Variants in DLX6 observed in about 807,000 individuals in gnomAD.
DLX6 encodes homeobox protein DLX-6.
DLX6 carries 4 observed loss-of-function variants against 33.5 expected under a neutral mutation model. That is an observed-to-expected ratio of 0.12 (90% CI 0.06 to 0.27). DLX6 has a LOEUF of 0.27. DLX6 is among the 10% of genes least tolerant of loss of function. The pLI, the probability that DLX6 is intolerant of heterozygous loss-of-function variation, is 1.00. For missense variants in DLX6, 382 were observed against 393.3 expected, an observed-to-expected ratio of 0.97 and a Z score of 0.24; for synonymous variants, 184 against 164.8, an observed-to-expected ratio of 1.12 and a Z score of -0.89.
At position 97,006,232 on chromosome 7, in the gene DLX6, GCACCACCACCAC is replaced by G. The variant is rs746036175; in HGVS notation, c.264_275del (p.His88_His91del). ...CGGCGGCGGCGGCAGCGGCCGGCTC[GCACCACCACCAC>G]CACCACCAGCACCACCACCACGGCT... On this transcript the variant is annotated inframe_deletion, in exon 1 of 3. Coordinates refer to ENST00000518156, the MANE Select transcript of DLX6 (RefSeq NM_005222.4). 3.2e-5 allele frequency: 48 copies of G among 1,512,504 alleles called. No homozygotes were observed. The highest frequency in any genetic ancestry group is 4.0e-5 in the Non-Finnish European group (45 of 1,127,208). The allele number at this position is 1,512,504 out of a possible 1,614,324, so 93.7% of individuals were successfully genotyped here. A position where few individuals can be genotyped will look rare whatever the true frequency, so the allele number is the denominator to read the frequency against.
rs549707573 is a variant in DLX6, at chr7:97,006,220, A to G, written c.243A>G (p.Ala81=). The change falls in exon 1 of 3, where the codon GCA becomes GCG. Residue 81 remains alanine (A), a synonymous_variant. Coordinates refer to ENST00000518156, the MANE Select transcript of DLX6 (RefSeq NM_005222.4). The stretch of plus-strand genomic sequence containing the variant: ...GCCTGCACTCGGCGGCGGCGGCGGC[A>G]GCGGCCGGCTCGCACCACCACCACC... The part of the protein sequence containing the change: ...LHCLHSAAAA[A]AAGSHHHHHH... The G allele has an allele frequency of 8.0e-6, 12 of 1,509,188 alleles. No homozygotes were observed. In the South Asian group the frequency reaches 1.0e-4, roughly 13 times the overall value. The allele number at this position is 1,509,188 out of a possible 1,614,324, so 93.5% of individuals were successfully genotyped here. A position where few individuals can be genotyped will look rare whatever the true frequency, so the allele number is the denominator to read the frequency against.
rs1189599358 is a variant in DLX6 at position 97,010,981 on chromosome 7, C to T, written c.*934C>T. 6.6e-6 allele frequency: 1 copy of T among 152,510 alleles called. No individual in the cohort carries two copies. Among genetic ancestry groups the T allele is most frequent in the Non-Finnish European group, 1.5e-5 (1 of 68,016 alleles). 9.4% of individuals were successfully genotyped at this position (152,510 alleles called of 1,614,324 possible). ...TATATATTGTTGAATTTTAGTTGTA[C>T]ATATACTTTGTATGTTTTTGTCTTC... On this transcript the variant is annotated 3_prime_UTR_variant, in exon 3 of 3. Coordinates refer to ENST00000518156, the MANE Select transcript of DLX6 (RefSeq NM_005222.4).
chr7:97,009,312 A>G (rs188765435), intron 2 of DLX6, among the ~76,000 whole-genome samples: 1 of 152,358 alleles, frequency 6.6e-6, no homozygotes, highest in African/African-American at 2.4e-5. Flanking sequence ...TAGAGATAAC[A>G]GCTTTTGGGT....
chr7:97,009,740 C>T (rs373835215), intron 2 of DLX6, 56 bp from the exon 3 acceptor site: 52 of 1,583,350 alleles, frequency 3.3e-5, no homozygotes, highest in African/African-American at 2.8e-4. Context: ...CCCTGAGTGA[C>T]GTTAGAGGCA....
intron 1 of DLX6, 71 bp from the exon 2 acceptor site, chr7:97,007,567 C>T: frequency 1.4e-6 from 2 of 1,433,302 alleles, no homozygotes; most frequent in Non-Finnish European, 1.9e-6. Context: ...TCGTTGCATG[C>T]CACGCCAGGA....
intron 2 of DLX6, 110 bp from the exon 3 acceptor site, chr7:97,009,686 T>G: frequency 2.7e-6 from 4 of 1,487,024 alleles, no homozygotes; most frequent in Non-Finnish European, 3.6e-6. Flanking sequence ...CGGTGGTTGT[T>G]TTTTGTTTTT....
Position 97,009,281 on chromosome 7 carries a change from C to T in DLX6, c.631-515C>T, listed in dbSNP as rs143257149. 3.3e-3 allele frequency among the ~76,000 whole-genome samples: 510 copies of T among 152,336 alleles called. 2 individuals carry two copies. The highest frequency in any genetic ancestry group is 0.012 in the African/African-American group (491 of 41,576). ...ATGTACAGGCTTTAATTCCTTCAGT[C>T]ATTTGCTCCTTGTACCTTTATAGAG... On this transcript the variant is annotated intron_variant, in intron 2 of 2. Coordinates refer to ENST00000518156, the MANE Select transcript of DLX6 (RefSeq NM_005222.4).
At chr7:97,007,156 T>C in intron 1 of DLX6, 1 of 238,918 alleles carries the variant, frequency 4.2e-6, no homozygotes, top group Non-Finnish European at 8.1e-6. Context: ...GATTTGGTCC[T>C]CCTCAGGAGA....
rs1789716418 is a variant in DLX6, at chr7:97,006,108, A to AGCCACAGCC, written c.134_135insACAGCCGCC (p.Pro45_Pro46insGlnProPro). On this transcript the variant is annotated inframe_insertion, in exon 1 of 3. Transcript: ENST00000518156. ...CAGCAGCAGCAGCAGCAACAGCAAC[A>AGCCACAGCC]GCCGCCGCCGCCGCCGCCGCCGCCG... 1.3e-6 allele frequency: 2 copies of AGCCACAGCC among 1,502,008 alleles called. No individual in the cohort carries two copies. The highest frequency in any genetic ancestry group is 2.5e-5 in the East Asian group (1 of 40,190). The allele number at this position is 1,502,008 out of a possible 1,614,324, so 93.0% of individuals were successfully genotyped here. A position where few individuals can be genotyped will look rare whatever the true frequency, so the allele number is the denominator to read the frequency against.
chr7:97,006,293 A>G lies in DLX6; in HGVS notation c.316A>G (p.Asn106Asp). Residue 106 changes from asparagine to aspartate, a missense_variant, in exon 1 of 3, where the codon AAC becomes GAC. Transcript: ENST00000518156. ...CTCGCCCTACGCGTCGGGCGGAGGG[A>G]ACTCCTACAACCACCGCTCGCTCGC... is the stretch of plus-strand genomic sequence containing the variant. ...HGSPYASGGGNSYNHRSLAAY... is the reference protein window; with the variant it reads ...HGSPYASGGGDSYNHRSLAAY... The G allele has an allele frequency of 6.6e-7, 1 of 1,526,490 alleles. No individual in the cohort carries two copies. Among genetic ancestry groups the G allele is most frequent in the African/African-American group, 1.4e-5 (1 of 71,156 alleles). 94.6% of individuals were successfully genotyped at this position (1,526,490 alleles called of 1,614,324 possible).
rs1404341310 is a variant in DLX6 at position 97,007,344 on chromosome 7, A to G, written c.437-294A>G. The G allele has an allele frequency of 1.8e-5, 11 of 597,880 alleles. No individual in the cohort carries two copies. The East Asian group carries it at 2.8e-4, about 15-fold the overall frequency. The allele number at this position is 597,880 out of a possible 1,614,324, so 37.0% of individuals were successfully genotyped here. ...CGCCTTGCTGCGCTGCGCACCCCAG[A>G]GAGCCTCCGGCACCGCCTCCGCTGC... On this transcript the variant is annotated intron_variant, in intron 1 of 2. Coordinates refer to ENST00000518156, the MANE Select transcript of DLX6 (RefSeq NM_005222.4).
At position 97,009,890 on chromosome 7, in the gene DLX6, C is replaced by A; in HGVS notation, c.725C>A (p.Ala242Glu). ...GAGAGCGACCCCCTCCAGGGCTCGG[C>A]GGCCCTGTCGCCACGCTCGCCAGCG... ...PHESDPLQGS[A>E]ALSPRSPALP... is the part of the protein sequence containing the mutation. The change falls in exon 3 of 3, where the codon GCG becomes GAG. Residue 242 changes from alanine (A) to glutamate (E), a missense_variant. By Grantham distance (107) the Ala-to-Glu change is moderately radical (BLOSUM62 -1). Coordinates refer to ENST00000518156, the MANE Select transcript of DLX6 (RefSeq NM_005222.4). 1 of 1,613,964 alleles carries A rather than the reference C, an allele frequency of 6.2e-7. No homozygotes were observed. The highest frequency in any genetic ancestry group is 8.5e-7 in the Non-Finnish European group (1 of 1,179,880).
intron 1 of DLX6, chr7:97,006,868 T>G (rs1412007122): frequency 6.6e-6 from 1 of 152,456 alleles, no homozygotes; most frequent in East Asian, 1.9e-4. Context: ...CGCCCCGTGC[T>G]CCTCAGTGAC....
chr7:97,006,664 C>T (rs1316660186), intron 1 of DLX6: 3 of 182,136 alleles, frequency 1.6e-5, no homozygotes, highest in Non-Finnish European at 2.2e-5. Context: ...CCGGGCCCGG[C>T]GCAGGCTTCG....
chr7:97,010,208 C>CTCTT lies in DLX6; in HGVS notation c.*161_*162insTCTT, dbSNP rs372057798. The CTCTT allele has an allele frequency of 8.5e-6, 6 of 708,622 alleles. No homozygotes were observed. In the African/African-American group the frequency reaches 1.1e-4, roughly 13 times the overall value. 43.9% of individuals were successfully genotyped at this position (708,622 alleles called of 1,614,324 possible). On this transcript the variant is annotated 3_prime_UTR_variant, in exon 3 of 3. Coordinates refer to ENST00000518156, the MANE Select transcript of DLX6 (RefSeq NM_005222.4). ...ATTCTCTCTCCCTCTCTCTCTCTCT[C>CTCTT]CCTCTCCTTTCTTTTTACTTCTTCC...
chr7:97,007,599 C>A, intron 1 of DLX6, 39 bp from the exon 2 acceptor site: 1 of 1,563,404 alleles, frequency 6.4e-7, no homozygotes, highest in Non-Finnish European at 8.7e-7. Flanking sequence ...GCAGCAGTAG[C>A]CTCCCGGGTG....
At position 97,009,948 on chromosome 7, in the gene DLX6, C is replaced by T; in HGVS notation, c.783C>T (p.Ala261=). ...LPPVWDVSAS[A]KGVSMPPNSY... ...CAGTCTGGGACGTTTCTGCCTCGGC[C>T]AAGGGTGTCAGTATGCCCCCCAACA... The change falls in exon 3 of 3, where the codon GCC becomes GCT. Residue 261 remains alanine, a synonymous_variant. Coordinates refer to ENST00000518156, the MANE Select transcript of DLX6 (RefSeq NM_005222.4). The T allele has an allele frequency of 6.2e-7, 1 of 1,613,848 alleles. No individual in the cohort carries two copies. The highest frequency in any genetic ancestry group is 2.2e-5 in the East Asian group (1 of 44,858).
Position 97,010,281 on chromosome 7 carries a change from CTTTTT to C in DLX6, c.*235_*239del. 1 of 502,584 alleles carries C rather than the reference CTTTTT, an allele frequency of 2.0e-6. No individual in the cohort carries two copies. Among genetic ancestry groups the C allele is most frequent in the Non-Finnish European group, 3.4e-6 (1 of 290,476 alleles). The allele number at this position is 502,584 out of a possible 1,614,324, so 31.1% of individuals were successfully genotyped here. Reference sequence around the variant, plus strand: ...TCCTTTTCCTTTCTACCTTTCTTTTCTTTTTGCCTTTCACCTTTTTTCTCATTTAC... The same window carrying C: ...TCCTTTTCCTTTCTACCTTTCTTTTCGCCTTTCACCTTTTTTCTCATTTAC... On this transcript the variant is annotated 3_prime_UTR_variant, in exon 3 of 3. Transcript: ENST00000518156.
rs938771538 is a variant in DLX6, at chr7:97,009,350, G to A, written c.631-446G>A. ...CTCTATGCATGTACACGGAGAAAAT[G>A]ACTGTGTAAAATAGTTATTTTACAT... On this transcript the variant is annotated intron_variant, in intron 2 of 2. Coordinates refer to ENST00000518156, the MANE Select transcript of DLX6 (RefSeq NM_005222.4). 3.9e-5 allele frequency among the ~76,000 whole-genome samples: 6 copies of A among 152,284 alleles called. No individual in the cohort carries two copies. The South Asian group carries it at 1.2e-3, about 32-fold the overall frequency.
Sources: gnomAD v4.1 joint callset for allele counts (sites outside exome capture counted in the v4.1 genomes callset) on GRCh38, gnomAD v4.1.1 for gene constraint, MANE v1.5 for transcripts, NCBI Gene and HGNC (gene_info 2026-07-23, HGNC 2026-07-21) for gene names.